The following NHSL1 variants were observed in gnomAD, a reference collection of about 807,000 sequenced individuals.
NHSL1 encodes NHS-like protein 1.
A neutral mutation model predicts 95.0 loss-of-function variants in NHSL1; 48 were observed. The observed-to-expected ratio is 0.51, with a 90% CI of 0.40 to 0.64. The LOEUF (loss-of-function observed/expected upper bound fraction) is 0.64, where lower values mean the gene tolerates loss of function less well. Among genes scored for constraint, NHSL1 ranks in the 30% least tolerant of loss-of-function variants. NHSL1 has a pLI of 0.00. For synonymous variants in NHSL1, 783 were observed against 833.9 expected (o/e 0.94, Z 1.05); for missense variants, 1,971 against 2,077.7 (o/e 0.95, Z 1.00).
Position 138,647,604 on chromosome 6 carries a change from T to TC in NHSL1, c.96+44871_96+44872insG, listed in dbSNP as rs1785036347. Reference sequence around the variant, plus strand: ...ATCCCATCAAAAAATATTTCTCACTTTTTTTTTTTTTTTTTTGAGATGGAG... The same window carrying TC: ...ATCCCATCAAAAAATATTTCTCACTTCTTTTTTTTTTTTTTTTGAGATGGAG... On this transcript the variant is annotated intron_variant, in intron 1 of 3. Coordinates refer to the NHSL1 transcript ENST00000491526. Among the ~76,000 whole-genome samples the TC allele has an allele frequency of 2.1e-5, 3 of 142,400 alleles. No homozygotes were observed. In the East Asian group the frequency reaches 6.0e-4, roughly 28 times the overall value. 93.4% of individuals were successfully genotyped at this position (142,400 alleles called of 152,430 possible).
rs111983861 is a variant in NHSL1, at chr6:138,455,501, G to A, written c.340-8308C>T. ...TCACATGCTCCCTGCAAGGAGCCCC[G>A]CCTTCACATGCTCCCTGCAAGGAGC... On this transcript the variant is annotated intron_variant, in intron 3 of 7. Transcript: ENST00000343505. Among the ~76,000 whole-genome samples the A allele has an allele frequency of 4.9e-3, 362 of 73,494 alleles. 7 individuals are homozygous for A. The highest frequency in any genetic ancestry group is 0.023 in the African/African-American group (314 of 13,668). 48.2% of individuals were successfully genotyped at this position (73,494 alleles called of 152,430 possible).
At chr6:138,529,437 GC>G (rs1426444438) in intron 1 of NHSL1, among the ~76,000 whole-genome samples, 3 of 152,172 alleles carry the variant, frequency 2.0e-5, no homozygotes, top group Non-Finnish European at 4.4e-5. Context: ...TCGGATGAGA[GC>G]CATGTTATGA....
intron 1 of NHSL1, among the ~76,000 whole-genome samples, chr6:138,536,262 G>A (rs1209150482): frequency 6.6e-6 from 1 of 152,146 alleles, no homozygotes; most frequent in Non-Finnish European, 1.5e-5. Context: ...TGAGGACTGG[G>A]GAGCGACTAA....
intron 1 of NHSL1, among the ~76,000 whole-genome samples, chr6:138,617,016 T>C (rs1784588851): frequency 6.6e-6 from 1 of 152,214 alleles, no homozygotes; most frequent in Non-Finnish European, 1.5e-5. Context: ...TAAAATGCAG[T>C]GCTATTCTTT....
chr6:138,689,504 G>A (rs1483765711), intron 1 of NHSL1, among the ~76,000 whole-genome samples: 1 of 152,198 alleles, frequency 6.6e-6, no homozygotes, highest in Non-Finnish European at 1.5e-5. Context: ...CAGCCCACAG[G>A]ACTAAAATAC....
rs1781922611 is a variant in NHSL1 at position 138,526,760 on chromosome 6, A to G, written c.16+18863T>C. Among the ~76,000 whole-genome samples, 4 of 152,158 alleles carry G rather than the reference A, an allele frequency of 2.6e-5. No individual in the cohort carries two copies. The South Asian group carries it at 8.3e-4, about 32-fold the overall frequency. On this transcript the variant is annotated intron_variant, in intron 1 of 4. Transcript: ENST00000342260. Reference sequence around the variant, plus strand: ...TCCCTCTGCATATAGTTTTGGCCACATCCCATGAGTTTTGAAATGTAACTT... The same window carrying G: ...TCCCTCTGCATATAGTTTTGGCCACGTCCCATGAGTTTTGAAATGTAACTT...
chr6:138,489,950 GA>G (rs1779969143), intron 2 of NHSL1, among the ~76,000 whole-genome samples: 2 of 52,522 alleles, frequency 3.8e-5, no homozygotes, highest in African/African-American at 1.8e-4. Context: ...GAGAGGGAGA[GA>G]AGGAGAGAGG....
At chr6:138,597,050 A>G (rs1784311246) in intron 1 of NHSL1, among the ~76,000 whole-genome samples, 1 of 152,118 alleles carries the variant, frequency 6.6e-6, no homozygotes, top group South Asian at 2.1e-4. Context: ...AATCCCAGAT[A>G]CTCAGGAGGC....
At chr6:138,597,179 T>C (rs1395500888) in intron 1 of NHSL1, among the ~76,000 whole-genome samples, 2 of 152,030 alleles carry the variant, frequency 1.3e-5, no homozygotes, top group African/African-American at 4.8e-5. Context: ...AAACAAAAAG[T>C]TAAGACCTGC....
upstream of NHSL1, among the ~76,000 whole-genome samples, chr6:138,548,734 G>T (rs1162549192): frequency 6.6e-6 from 1 of 152,108 alleles, no homozygotes. Context: ...CATACTATTA[G>T]GTACATTATG....
At chr6:138,690,355 A>G (rs1384244828) in intron 1 of NHSL1, among the ~76,000 whole-genome samples, 1 of 152,124 alleles carries the variant, frequency 6.6e-6, no homozygotes, top group Non-Finnish European at 1.5e-5. Context: ...ACAAAAATTA[A>G]TGTCTTGATA....
intron 1 of NHSL1, among the ~76,000 whole-genome samples, chr6:138,688,388 G>A (rs138458226): frequency 0.017 from 2,644 of 151,916 alleles, 65 homozygotes; most frequent in African/African-American, 0.06. Context: ...GCTCACGCCT[G>A]TAATCTCAGC....
chr6:138,665,192 G>C (rs1168520775), intron 1 of NHSL1, among the ~76,000 whole-genome samples: 3 of 152,064 alleles, frequency 2.0e-5, no homozygotes, highest in African/African-American at 7.2e-5. Context: ...GTAACACTTG[G>C]CTTATGTGCT....
intron 3 of NHSL1, among the ~76,000 whole-genome samples, chr6:138,455,242 G>A (rs1251898399): frequency 2.0e-5 from 3 of 152,136 alleles, no homozygotes; most frequent in Non-Finnish European, 4.4e-5. Context: ...ATCACTTCTC[G>A]ACTGTAAGCT....
intron 2 of NHSL1, among the ~76,000 whole-genome samples, chr6:138,482,665 A>C (rs1779499910): frequency 6.6e-6 from 1 of 152,154 alleles, no homozygotes; most frequent in Non-Finnish European, 1.5e-5. Context: ...GAAAACACAG[A>C]ATGAATACAC....
intron 2 of NHSL1, among the ~76,000 whole-genome samples, chr6:138,475,394 TA>T (rs1279738982): frequency 1.3e-5 from 2 of 149,384 alleles, no homozygotes; most frequent in East Asian, 2.3e-4. Context: ...GGCATTATTT[TA>T]TTTTTTTTAT....
intron 1 of NHSL1, among the ~76,000 whole-genome samples, chr6:138,602,490 T>C (rs1323077849): frequency 1.3e-5 from 2 of 152,058 alleles, no homozygotes; most frequent in Non-Finnish European, 2.9e-5. Context: ...TACATGCTCC[T>C]GCCACCACGC....
chr6:138,676,771 C>T (rs36098837), intron 1 of NHSL1, among the ~76,000 whole-genome samples: 3,524 of 152,320 alleles, frequency 0.023, 55 homozygotes, highest in Non-Finnish European at 0.038. Flanking sequence ...TCTCCTGCCT[C>T]AGCCTCCTGA....
chr6:138,619,075 C>T (rs746323218), intron 1 of NHSL1, among the ~76,000 whole-genome samples: 2 of 152,164 alleles, frequency 1.3e-5, no homozygotes, highest in Non-Finnish European at 1.5e-5. Flanking sequence ...CGGTGGCTCA[C>T]GCTTATAATC....
Sources: gnomAD v4.1 joint callset for allele counts (sites outside exome capture counted in the v4.1 genomes callset) on GRCh38, gnomAD v4.1.1 for gene constraint, MANE v1.5 for transcripts, NCBI Gene and HGNC (gene_info 2026-07-23, HGNC 2026-07-21) for gene names.